Variants in MTOR observed in about 807,000 individuals in gnomAD.
The protein encoded by MTOR is serine/threonine-protein kinase mTOR.
A neutral mutation model predicts 319.8 loss-of-function variants in MTOR; 70 were observed. The observed-to-expected ratio is 0.22, with a 90% CI of 0.18 to 0.27. The LOEUF (loss-of-function observed/expected upper bound fraction) is 0.27, where lower values mean the gene tolerates loss of function less well. Ranked by LOEUF, MTOR falls within the 10% of genes least tolerant of loss-of-function variation. MTOR has a pLI of 1.00. For missense variants in MTOR, 1,890 were observed against 3,274.4 expected (o/e 0.58, Z 10.32); for synonymous variants, 1,183 against 1,211.4 (o/e 0.98, Z 0.49).
intron 29 of MTOR, among the ~76,000 whole-genome samples, chr1:11,164,653 T>C (rs888322836): frequency 6.6e-6 from 1 of 152,200 alleles, no homozygotes; most frequent in Non-Finnish European, 1.5e-5. Context: ...CACAGCCGAA[T>C]TCTACCAGTG....
intron 2 of MTOR, 43 bp from the exon 3 acceptor site, chr1:11,258,636 T>C: frequency 9.5e-6 from 14 of 1,475,566 alleles, no homozygotes; most frequent in Non-Finnish European, 1.3e-5. Context: ...AATAATTCTC[T>C]AACTGTGGTG....
In MTOR at chr1:11,199,652, A is replaced by G; in HGVS notation, c.3996T>C (p.Asp1332=). The change falls in exon 27 of 58, where the codon GAT becomes GAC. Residue 1332 remains aspartate (D), a synonymous_variant. Coordinates refer to ENST00000361445, the MANE Select transcript of MTOR (RefSeq NM_004958.4). This position sits in a 1 kb window ranked among gnomAD's most constrained non-coding sequence, Gnocchi z 4.5. The part of the protein sequence containing the change: ...FVSCWSELNE[D]QQDELIRSIE... ...TGCTTCTGATGAGCTCATCCTGTTG[A>G]TCTTCATTCAGTTCAGACCAGCAGG... The G allele has an allele frequency of 6.2e-7, 1 of 1,614,140 alleles. No individual in the cohort carries two copies. Among genetic ancestry groups the G allele is most frequent in the Non-Finnish European group, 8.5e-7 (1 of 1,180,008 alleles).
intron 46 of MTOR, among the ~76,000 whole-genome samples, chr1:11,126,192 T>C (rs1421650090): frequency 6.6e-6 from 1 of 151,856 alleles, no homozygotes; most frequent in Admixed American, 6.6e-5. Flanking sequence ...GAGAATCCAC[T>C]TGTTCATTTT....
At chr1:11,234,346 G>T in intron 13 of MTOR, 81 bp from the exon 14 acceptor site, 1 of 1,490,850 alleles carries the variant, frequency 6.7e-7, no homozygotes. Context: ...AAAAGTGGCA[G>T]GGAACTGGGG....
intron 28 of MTOR, chr1:11,192,521 C>T (rs761207106): frequency 9.4e-6 from 6 of 638,374 alleles, no homozygotes; most frequent in South Asian, 5.7e-5. Flanking sequence ...TATGGGAGGC[C>T]GAGGCAGGTG....
At chr1:11,174,789 C>A (rs992922186) in intron 28 of MTOR, among the ~76,000 whole-genome samples, 1 of 152,124 alleles carries the variant, frequency 6.6e-6, no homozygotes, top group Non-Finnish European at 1.5e-5. Context: ...TCTATAAACA[C>A]CCCCTTGGGT....
At chr1:11,234,090 T>C in intron 14 of MTOR, 53 bp downstream of exon 14, 3 of 1,612,664 alleles carry the variant, frequency 1.9e-6, no homozygotes, top group African/African-American at 1.3e-5. Flanking sequence ...CATCTCCCCA[T>C]ATGAGCTGAT....
In MTOR at chr1:11,127,927, G is replaced by A. The variant is rs1226592509; in HGVS notation, c.6033+77C>T. The A allele has an allele frequency of 5.6e-6, 9 of 1,595,198 alleles. No homozygotes were observed. The highest frequency in any genetic ancestry group is 6.8e-6 in the Non-Finnish European group (8 of 1,172,124). On this transcript the variant is annotated intron_variant, in intron 43 of 57. Coordinates refer to ENST00000361445, the MANE Select transcript of MTOR (RefSeq NM_004958.4). This position sits in a 1 kb window ranked among gnomAD's most constrained non-coding sequence, Gnocchi z 5.5. ...GAGGAAGTGCACAGCACCAATGCGA[G>A]GAAGAAAAACAATCCCACTTGCGCC...
chr1:11,238,312 C>G (rs1161338143), intron 12 of MTOR, 90 bp downstream of exon 12: 2 of 1,368,574 alleles, frequency 1.5e-6, no homozygotes, highest in Admixed American at 1.7e-5. Context: ...AGCCGAAGAA[C>G]TCTAGAGAGG....
At chr1:11,124,716 C>A (rs2100384257) in intron 46 of MTOR, 83 bp from the exon 47 acceptor site, 1 of 1,470,064 alleles carries the variant, frequency 6.8e-7, no homozygotes, top group Non-Finnish European at 9.2e-7. Flanking sequence ...TCAAGAGATC[C>A]CACAGACTAC....
At position 11,128,129 on chromosome 1, in the gene MTOR, G is replaced by A. The variant is rs2100414628; in HGVS notation, c.5911-3C>T. On this transcript the variant is annotated splice_region_variant and splice_polypyrimidine_tract_variant and intron_variant, in intron 42 of 57. Transcript: ENST00000361445. This position sits in a 1 kb window ranked among gnomAD's most constrained non-coding sequence, Gnocchi z 5.3. ...ACTGTCAGTGGGTAGATGAGGGCCT[G>A]AGGGAAAAACAGAAGAAACATCTAT... 6.2e-7 allele frequency: 1 copy of A among 1,613,598 alleles called. No individual in the cohort carries two copies. The highest frequency in any genetic ancestry group is 2.2e-5 in the East Asian group (1 of 44,890).
At chr1:11,233,510 A>C in intron 14 of MTOR, 23 bp from the exon 15 acceptor site, 1 of 1,583,040 alleles carries the variant, frequency 6.3e-7, no homozygotes, top group Non-Finnish European at 8.7e-7. Flanking sequence ...GTTATGAGAA[A>C]ATGAATGCAG....
chr1:11,139,554 C>T lies in MTOR; in HGVS notation c.4977G>A (p.Leu1659=), dbSNP rs373959556. 1.9e-6 allele frequency: 3 copies of T among 1,614,216 alleles called. No individual in the cohort carries two copies. The change falls in exon 35 of 58, where the codon CTG becomes CTA. Residue 1659 remains leucine (L), a synonymous_variant. Coordinates refer to ENST00000361445, the MANE Select transcript of MTOR (RefSeq NM_004958.4). Reference sequence around the variant, plus strand: ...TCACCAGCCTGCCACTCTTGCCGCACAGGCTTGCATACTTGAGCCAGGTTC... The same window carrying T: ...TCACCAGCCTGCCACTCTTGCCGCATAGGCTTGCATACTTGAGCCAGGTTC... The part of the protein sequence containing the change: ...DMRTWLKYAS[L]CGKSGRLALA...
intron 3 of MTOR, among the ~76,000 whole-genome samples, chr1:11,257,427 G>C (rs1009958720): frequency 6.6e-6 from 1 of 151,092 alleles, no homozygotes; most frequent in African/African-American, 2.4e-5. Context: ...GCCAGGCGTG[G>C]TGGCACACGC....
In MTOR at chr1:11,114,875, G is replaced by A. The variant is rs1570908658; in HGVS notation, c.7102C>T (p.Arg2368Ter). 1.2e-6 allele frequency: 2 copies of A among 1,613,788 alleles called. No individual in the cohort carries two copies. The highest frequency in any genetic ancestry group is 1.7e-6 in the Non-Finnish European group (2 of 1,179,856). Residue 2368 changes from arginine (R) to a stop codon, truncating the protein, a stop_gained, in exon 52 of 58, where the codon CGA becomes TGA. Transcript: ENST00000361445. LOFTEE classifies it high-confidence loss of function. ...FGDCFEVAMT[R>*]EKFPEKIPFR... is the part of the protein sequence containing the mutation. ...GGAATCTTCTCTGGAAACTTCTCTC[G>A]GGTCATAGCAACCTACAGAATAATA... is the stretch of plus-strand genomic sequence containing the variant.
chr1:11,156,518 T>A (rs574988009), intron 30 of MTOR, among the ~76,000 whole-genome samples: 5 of 152,124 alleles, frequency 3.3e-5, no homozygotes, highest in Non-Finnish European at 7.4e-5. Context: ...CCTTCTCCTT[T>A]ACCTATCTCC....
At chr1:11,164,779 T>G (rs147911617) in intron 29 of MTOR, among the ~76,000 whole-genome samples, 94 of 152,312 alleles carry the variant, frequency 6.2e-4, no homozygotes, top group African/African-American at 2.2e-3. Flanking sequence ...TACCAAAGCC[T>G]GGCAGAGACA....
chr1:11,184,563 T>G (rs1053330891), intron 28 of MTOR, among the ~76,000 whole-genome samples: 1 of 151,980 alleles, frequency 6.6e-6, no homozygotes, highest in Non-Finnish European at 1.5e-5. Flanking sequence ...AGACTCCGTC[T>G]CTACAAAAAA....
chr1:11,226,781 TCAAAAAC>T (rs1188253473), intron 19 of MTOR, among the ~76,000 whole-genome samples: 2 of 152,078 alleles, frequency 1.3e-5, no homozygotes, highest in African/African-American at 4.8e-5. Context: ...AGACCCTATC[TCAAAAAC>T]CAAAAACATG....
Sources: allele counts gnomAD v4.1 joint callset (sites outside exome capture counted in the v4.1 genomes callset), GRCh38; gene constraint gnomAD v4.1.1; non-coding constraint Gnocchi (gnomAD v3.1); transcripts MANE v1.5; gene names NCBI Gene and HGNC (gene_info 2026-07-23, HGNC 2026-07-21).